The following SYT1 variants were observed in gnomAD, a reference collection of about 807,000 sequenced individuals.
The protein encoded by SYT1 is synaptotagmin 1, also known as synaptotagmin-1.
Under a neutral mutation model 44.8 loss-of-function variants are expected in SYT1, and 8 were observed. The ratio of observed to expected loss-of-function variants is 0.18; its 90% CI spans 0.10 to 0.32. The LOEUF (loss-of-function observed/expected upper bound fraction) is 0.32, where lower values mean the gene tolerates loss of function less well. SYT1 is among the 10% of genes least tolerant of loss of function. The pLI is 1.00. For missense variants in SYT1, 286 were observed against 509.3 expected, an observed-to-expected ratio of 0.56 and a Z score of 4.22; for synonymous variants, 154 against 188.8, an observed-to-expected ratio of 0.82 and a Z score of 1.51.
At chr12:79,073,026 T>A (rs1226528699) in intron 3 of SYT1, among the ~76,000 whole-genome samples, 1 of 152,140 alleles carries the variant, frequency 6.6e-6, no homozygotes, top group Non-Finnish European at 1.5e-5. Flanking sequence ...AAACAATGAA[T>A]AAGTTGTCAG....
At chr12:79,010,840 A>C (rs774174886) in intron 2 of SYT1, among the ~76,000 whole-genome samples, 3 of 152,216 alleles carry the variant, frequency 2.0e-5, no homozygotes, top group African/African-American at 7.2e-5. Context: ...TTCTAAAGCT[A>C]GATCCTCTAA....
chr12:79,193,467 G>A (rs1472653698), intron 3 of SYT1, among the ~76,000 whole-genome samples: 2 of 152,130 alleles, frequency 1.3e-5, no homozygotes, highest in Non-Finnish European at 2.9e-5. Flanking sequence ...AATATGGTGA[G>A]TTAATTAATA....
chr12:79,028,518 C>T (rs531684383), intron 2 of SYT1, among the ~76,000 whole-genome samples: 6 of 151,304 alleles, frequency 4.0e-5, no homozygotes, highest in African/African-American at 7.2e-5. Context: ...AGTCCCTGTG[C>T]GCACTGTGGG....
chr12:78,981,282 C>T (rs58013788), intron 2 of SYT1, among the ~76,000 whole-genome samples: 1,544 of 151,968 alleles, frequency 0.01, 34 homozygotes, highest in African/African-American at 0.035. Context: ...CGTGAGCCAC[C>T]ACACCCAGCT....
intron 1 of SYT1, among the ~76,000 whole-genome samples, chr12:78,893,851 T>A (rs1875190658): frequency 1.3e-5 from 2 of 151,474 alleles, no homozygotes; most frequent in Non-Finnish European, 3.0e-5. Flanking sequence ...TTATAAAAAA[T>A]AATAATAATA....
chr12:79,151,527 T>G (rs1365952830), intron 3 of SYT1, among the ~76,000 whole-genome samples: 2 of 152,094 alleles, frequency 1.3e-5, no homozygotes, highest in Non-Finnish European at 2.9e-5. Flanking sequence ...CATTAATGGT[T>G]TTTAATCAGG....
intron 3 of SYT1, among the ~76,000 whole-genome samples, chr12:79,173,126 C>T (rs1871647347): frequency 1.3e-5 from 2 of 151,348 alleles, no homozygotes; most frequent in South Asian, 4.2e-4. Context: ...CCTGAACCAA[C>T]TAAGAGGTAG....
At chr12:79,139,706 C>G (rs555327291) in intron 3 of SYT1, among the ~76,000 whole-genome samples, 1 of 152,222 alleles carries the variant, frequency 6.6e-6, no homozygotes, top group African/African-American at 2.4e-5. Context: ...AGTTGGAGTG[C>G]TTGGTGTTAC....
In SYT1 at chr12:79,396,448, C is replaced by T. The variant is rs181664691; in HGVS notation, c.928+42829C>T. On this transcript the variant is annotated intron_variant, in intron 9 of 10. Coordinates refer to ENST00000261205, the MANE Select transcript of SYT1 (RefSeq NM_005639.3). ...TAGTGGATTTTTAAAATACAGATGC[C>T]AGGGCTCTATCCCAAGAGAAGCAGT... 5.1e-3 allele frequency among the ~76,000 whole-genome samples: 783 copies of T among 152,178 alleles called. 4 individuals carry two copies. Among genetic ancestry groups the T allele is most frequent in the African/African-American group, 0.017 (704 of 41,502 alleles).
chr12:79,427,495 A>C (rs1339378093), intron 9 of SYT1, among the ~76,000 whole-genome samples: 1 of 152,236 alleles, frequency 6.6e-6, no homozygotes, highest in Non-Finnish European at 1.5e-5. Context: ...TATGGTGGGA[A>C]GAAAACAATA....
intron 3 of SYT1, among the ~76,000 whole-genome samples, chr12:79,085,721 A>C (rs1877336078): frequency 6.6e-6 from 1 of 152,144 alleles, no homozygotes; most frequent in Non-Finnish European, 1.5e-5. Flanking sequence ...AAATGAAAAC[A>C]TTGAACAAGA....
chr12:78,883,167 A>G (rs966488009), intron 1 of SYT1, among the ~76,000 whole-genome samples: 1 of 151,708 alleles, frequency 6.6e-6, no homozygotes, highest in African/African-American at 2.4e-5. Flanking sequence ...TTATAATGTT[A>G]TAACAGTGAA....
At chr12:78,983,581 G>T (rs1869425113) in intron 2 of SYT1, among the ~76,000 whole-genome samples, 1 of 151,982 alleles carries the variant, frequency 6.6e-6, no homozygotes, top group Non-Finnish European at 1.5e-5. Flanking sequence ...TGGTATAAAG[G>T]TTTAGCCCTA....
intron 3 of SYT1, among the ~76,000 whole-genome samples, chr12:79,111,360 A>G (rs892083003): frequency 6.6e-6 from 1 of 151,942 alleles, no homozygotes; most frequent in Non-Finnish European, 1.5e-5. Context: ...TCTTCCTGGA[A>G]CACCCTTTCT....
chr12:79,421,138 AT>A (rs1434791051), intron 9 of SYT1, among the ~76,000 whole-genome samples: 1 of 152,152 alleles, frequency 6.6e-6, no homozygotes, highest in Non-Finnish European at 1.5e-5. Flanking sequence ...CCTGAACTGG[AT>A]TTTAAGATCG....
intron 3 of SYT1, among the ~76,000 whole-genome samples, chr12:79,138,877 T>G (rs1869372427): frequency 6.6e-6 from 1 of 152,166 alleles, no homozygotes; most frequent in Non-Finnish European, 1.5e-5. Flanking sequence ...TGCACAAAAT[T>G]TAAGGTGGTA....
intron 1 of SYT1, among the ~76,000 whole-genome samples, chr12:78,877,189 G>T (rs936757825): frequency 1.2e-4 from 18 of 151,200 alleles, no homozygotes; most frequent in Non-Finnish European, 2.4e-4. Context: ...CCACATGGGT[G>T]GGGAGGCCTC....
intron 9 of SYT1, among the ~76,000 whole-genome samples, chr12:79,384,566 T>A (rs1884354380): frequency 6.6e-6 from 1 of 152,176 alleles, no homozygotes; most frequent in South Asian, 2.1e-4. Flanking sequence ...TTAAATGACT[T>A]TACATTCCAT....
intron 9 of SYT1, among the ~76,000 whole-genome samples, chr12:79,370,476 G>GT (rs1883734822): frequency 6.6e-6 from 1 of 152,092 alleles, no homozygotes; most frequent in Non-Finnish European, 1.5e-5. Flanking sequence ...GAAATACTGA[G>GT]TTAGGGCCGG....
Sources: allele counts gnomAD v4.1 joint callset (sites outside exome capture counted in the v4.1 genomes callset), GRCh38; gene constraint gnomAD v4.1.1; transcripts MANE v1.5; gene names NCBI Gene and HGNC (gene_info 2026-07-23, HGNC 2026-07-21).